DTNB: variants seen among roughly 807,000 people sequenced by gnomAD.
The protein encoded by DTNB is dystrobrevin beta, also known as DTN-B.
In DTNB, 63 loss-of-function variants were observed where a neutral mutation model predicts 90.7. The ratio of observed to expected loss-of-function variants is 0.69; its 90% confidence interval spans 0.57 to 0.86. The LOEUF (loss-of-function observed/expected upper bound fraction) is 0.86, where lower values mean the gene tolerates loss of function less well. Ranked by LOEUF, DTNB falls within the 40% of genes least tolerant of loss-of-function variation. The probability of loss-of-function intolerance (pLI) is 0.00; values close to 1 mark genes in which losing one functional copy is unlikely to be tolerated. For missense variants in DTNB, 744 were observed against 807.1 expected (o/e 0.92, Z 0.95); for synonymous variants, 277 against 286.7 (o/e 0.97, Z 0.34).
intron 9 of DTNB, among the ~76,000 whole-genome samples, chr2:25,529,592 A>G (rs1409984551): frequency 9.2e-5 from 14 of 152,112 alleles, no homozygotes; most frequent in Admixed American, 6.6e-5. Context: ...TCCCAAGAAG[A>G]AGAAAGCAAT....
In DTNB at chr2:25,475,687, G is replaced by C. The variant is rs1017323261; in HGVS notation, c.1079+7109C>G. Among the ~76,000 whole-genome samples the C allele has an allele frequency of 3.1e-4, 47 of 152,328 alleles. 1 individual carries two copies. Among genetic ancestry groups the C allele is most frequent in the Admixed American group, 3.1e-3 (47 of 15,300 alleles). On this transcript the variant is annotated intron_variant, in intron 10 of 20. Coordinates refer to ENST00000406818, the MANE Select transcript of DTNB (RefSeq NM_021907.5). The stretch of plus-strand genomic sequence containing the variant: ...GAAGAAGTCAATGCCTGGCTTTAAA[G>C]CTTCAAAAGGACAGGCTGATTCTCT...
intron 5 of DTNB, among the ~76,000 whole-genome samples, chr2:25,602,293 C>T (rs1049032523): frequency 4.3e-4 from 65 of 152,160 alleles, no homozygotes; most frequent in African/African-American, 1.5e-3. Flanking sequence ...TTTCCTTTTT[C>T]TTCTTTTTTT....
At chr2:25,635,870 T>TG (rs1259947586) in intron 3 of DTNB, among the ~76,000 whole-genome samples, 5 of 152,152 alleles carry the variant, frequency 3.3e-5, no homozygotes, top group Non-Finnish European at 5.9e-5. Context: ...ATTCTAATAG[T>TG]GGTTACTGCT....
intron 16 of DTNB, among the ~76,000 whole-genome samples, chr2:25,413,384 T>C (rs148617700): frequency 0.012 from 1,853 of 151,794 alleles, 52 homozygotes; most frequent in African/African-American, 0.042. Context: ...TCATTTACAT[T>C]AGGTGTATCT....
intron 3 of DTNB, among the ~76,000 whole-genome samples, chr2:25,634,800 G>A (rs1333542765): frequency 3.5e-5 from 4 of 113,266 alleles, no homozygotes; most frequent in Non-Finnish European, 6.2e-5. Context: ...GTCCACTCAG[G>A]GTTAAATGGA....
At chr2:25,462,430 C>G (rs750129753) in intron 10 of DTNB, among the ~76,000 whole-genome samples, 1 of 152,032 alleles carries the variant, frequency 6.6e-6, no homozygotes, top group Non-Finnish European at 1.5e-5. Flanking sequence ...CAATTATGTA[C>G]CAAGCAGGAG....
chr2:25,662,689 C>CAA (rs1395727673), intron 1 of DTNB, among the ~76,000 whole-genome samples: 1 of 145,648 alleles, frequency 6.9e-6, no homozygotes, highest in Non-Finnish European at 1.5e-5. Flanking sequence ...CAAACACACA[C>CAA]ACACACACAC....
intron 10 of DTNB, among the ~76,000 whole-genome samples, chr2:25,477,407 T>C (rs764608834): frequency 1.3e-5 from 2 of 152,218 alleles, no homozygotes; most frequent in Non-Finnish European, 1.5e-5. Context: ...ATTTATACTG[T>C]GGCATCTTCT....
chr2:25,462,065 T>C (rs764084101), intron 10 of DTNB, among the ~76,000 whole-genome samples: 4 of 152,138 alleles, frequency 2.6e-5, no homozygotes, highest in Non-Finnish European at 5.9e-5. Context: ...TTTCTAAAGA[T>C]ATGTTTCCCC....
chr2:25,566,995 T>C (rs905004401), intron 8 of DTNB, among the ~76,000 whole-genome samples: 5 of 152,310 alleles, frequency 3.3e-5, no homozygotes, highest in East Asian at 3.9e-4. Context: ...CACTGACTGA[T>C]AGAAGCAGAG....
At chr2:25,482,959 G>C in intron 9 of DTNB, 86 bp from the exon 10 acceptor site, 1 of 1,356,678 alleles carries the variant, frequency 7.4e-7, no homozygotes, top group Non-Finnish European at 1.0e-6. Flanking sequence ...AAGAGCAAAG[G>C]GACCAATCAT....
intron 10 of DTNB, among the ~76,000 whole-genome samples, chr2:25,461,576 A>G (rs2060953807): frequency 6.6e-6 from 1 of 152,216 alleles, no homozygotes; most frequent in Non-Finnish European, 1.5e-5. Flanking sequence ...AAACTGTCAA[A>G]TGTCAATTCA....
intron 1 of DTNB, among the ~76,000 whole-genome samples, chr2:25,656,045 T>G (rs1030874411): frequency 9.2e-5 from 14 of 152,208 alleles, no homozygotes; most frequent in Non-Finnish European, 1.6e-4. Context: ...TTTGCAATCT[T>G]TGCTATCTTC....
rs192903997 is a variant in DTNB at position 25,498,560 on chromosome 2, G to A, written c.1002-15687C>T. ...CAATAATGGGTAAAATTAATTACAG[G>A]AAAAAACTACAGACCGAGTGCAGTG... On this transcript the variant is annotated intron_variant, in intron 9 of 20. Transcript: ENST00000406818. 1.7e-3 allele frequency among the ~76,000 whole-genome samples: 266 copies of A among 152,228 alleles called. 2 individuals are homozygous for A. Among genetic ancestry groups the A allele is most frequent in the African/African-American group, 6.1e-3 (254 of 41,552 alleles).
intron 10 of DTNB, chr2:25,481,482 G>C (rs188344693): frequency 1.3e-5 from 2 of 152,090 alleles, no homozygotes; most frequent in African/African-American, 4.8e-5. Flanking sequence ...CTCAGAAAGA[G>C]TCTGGCTCAA....
intron 9 of DTNB, among the ~76,000 whole-genome samples, chr2:25,484,529 C>G (rs2065732275): frequency 6.6e-6 from 1 of 152,210 alleles, no homozygotes; most frequent in African/African-American, 2.4e-5. Context: ...AGAAGGATCT[C>G]TTTCTCCATC....
chr2:25,494,464 A>AG (rs2068318086), intron 9 of DTNB, among the ~76,000 whole-genome samples: 1 of 2,658 alleles, frequency 3.8e-4, no homozygotes, highest in African/African-American at 1.8e-3. Context: ...TTAAGTGGTA[A>AG]GGGGGGTGGG....
intron 10 of DTNB, among the ~76,000 whole-genome samples, chr2:25,474,256 T>C (rs1034070749): frequency 1.3e-5 from 2 of 151,854 alleles, no homozygotes; most frequent in Non-Finnish European, 2.9e-5. Context: ...TTCTCTAAGA[T>C]TATGTGTTAA....
rs1205503672 is a variant in DTNB at position 25,424,298 on chromosome 2, C to T, written c.1554+3237G>A. 6.6e-6 allele frequency among the ~76,000 whole-genome samples: 1 copy of T among 152,106 alleles called. No individual in the cohort carries two copies. The highest frequency in any genetic ancestry group is 1.5e-5 in the Non-Finnish European group (1 of 68,020). On this transcript the variant is annotated intron_variant, in intron 15 of 20. Coordinates refer to ENST00000406818, the MANE Select transcript of DTNB (RefSeq NM_021907.5). The surrounding 1 kb of genome is among the most constrained non-coding windows in gnomAD (Gnocchi z 4.1). Reference sequence around the variant, plus strand: ...GGGATCCTACAGGGGCAGCAGTGTCCTGCTTATTTTTCTGAAATTACTGCT... The same window carrying T: ...GGGATCCTACAGGGGCAGCAGTGTCTTGCTTATTTTTCTGAAATTACTGCT...
Sources: gnomAD v4.1 joint callset for allele counts (sites outside exome capture counted in the v4.1 genomes callset) on GRCh38, gnomAD v4.1.1 for gene constraint, Gnocchi (gnomAD v3.1) non-coding constraint, MANE v1.5 for transcripts, NCBI Gene and HGNC (gene_info 2026-07-23, HGNC 2026-07-21) for gene names.